PEX5L: variants seen among roughly 807,000 people sequenced by gnomAD.
PEX5L encodes PEX5-related protein.
In PEX5L, 30 loss-of-function variants were observed where a neutral mutation model predicts 84.0. That is an observed-to-expected ratio of 0.36 (90% CI 0.27 to 0.48). The LOEUF is 0.48. Ranked by LOEUF, PEX5L falls within the 20% of genes least tolerant of loss-of-function variation. The pLI is 0.99. For missense variants in PEX5L, 533 were observed against 754.6 expected, an observed-to-expected ratio of 0.71 and a Z score of 3.44; for synonymous variants, 270 against 283.1, an observed-to-expected ratio of 0.95 and a Z score of 0.46.
intron 14 of PEX5L, among the ~76,000 whole-genome samples, chr3:179,807,293 C>T (rs778346527): frequency 5.3e-5 from 8 of 152,144 alleles, no homozygotes; most frequent in Non-Finnish European, 1.0e-4. Context: ...GCCCACACCC[C>T]CAAGGCTCTT....
At position 179,874,575 on chromosome 3, in the gene PEX5L, C is replaced by G. The variant is rs1409567625; in HGVS notation, c.630-152G>C. 5.6e-6 allele frequency: 3 copies of G among 531,700 alleles called. No homozygotes were observed. The East Asian group carries it at 9.7e-5, about 17-fold the overall frequency. The allele number at this position is 531,700 out of a possible 1,614,324, so 32.9% of individuals were successfully genotyped here. ...TGATAGAGATAAGTTTCATGTATTT[C>G]TATTATAATGGTCACTTTCAGAATG... On this transcript the variant is annotated intron_variant, in intron 6 of 14. Transcript: ENST00000467460.
At chr3:180,004,137 G>A (rs530655625) in intron 1 of PEX5L, among the ~76,000 whole-genome samples, 52 of 152,166 alleles carry the variant, frequency 3.4e-4, no homozygotes, top group Non-Finnish European at 6.2e-4. Flanking sequence ...ATTTTTTGCC[G>A]TTGAACTGAC....
chr3:179,829,943 A>ATTTTTTTTTTTT (rs11352022), intron 8 of PEX5L, among the ~76,000 whole-genome samples: 262 of 83,616 alleles, frequency 3.1e-3, no homozygotes, highest in Non-Finnish European at 3.8e-3. Context: ...GGCCTGGCTA[A>ATTTTTTTTTTTT]TTTTTTTTTT....
At chr3:179,889,193 CT>C (rs1756860502) in intron 3 of PEX5L, among the ~76,000 whole-genome samples, 1 of 152,128 alleles carries the variant, frequency 6.6e-6, no homozygotes, top group African/African-American at 2.4e-5. Flanking sequence ...CTCTACTCAC[CT>C]TCGCTACATT....
chr3:179,872,136 G>A (rs780042792), intron 7 of PEX5L, among the ~76,000 whole-genome samples: 6 of 152,046 alleles, frequency 3.9e-5, no homozygotes, highest in South Asian at 2.1e-4. Context: ...CTACTGCCTC[G>A]GCCTACCAAA....
At chr3:179,838,261 A>T (rs1285326993) in intron 8 of PEX5L, among the ~76,000 whole-genome samples, 3 of 152,204 alleles carry the variant, frequency 2.0e-5, no homozygotes, top group African/African-American at 7.2e-5. Flanking sequence ...GGAAATTAAA[A>T]ACAGGTAAAA....
intron 1 of PEX5L, among the ~76,000 whole-genome samples, chr3:180,002,282 A>G (rs1367552700): frequency 6.6e-6 from 1 of 152,062 alleles, no homozygotes; most frequent in Non-Finnish European, 1.5e-5. Context: ...AGAAGAGTGT[A>G]TTTTTTATTT....
intron 1 of PEX5L, among the ~76,000 whole-genome samples, chr3:180,034,183 T>C (rs66486754): frequency 0.15 from 23,107 of 152,180 alleles, 2,234 homozygotes; most frequent in African/African-American, 0.27. Context: ...TTAAAGTCTC[T>C]TGGATACAGA....
intron 8 of PEX5L, among the ~76,000 whole-genome samples, chr3:179,853,294 A>G (rs1237007287): frequency 6.6e-6 from 1 of 152,216 alleles, no homozygotes; most frequent in African/African-American, 2.4e-5. Flanking sequence ...GCTAAATCCA[A>G]TGTATTCTAA....
At chr3:179,869,389 T>G (rs1749501535) in intron 7 of PEX5L, among the ~76,000 whole-genome samples, 1 of 152,216 alleles carries the variant, frequency 6.6e-6, no homozygotes, top group Non-Finnish European at 1.5e-5. Context: ...TATATGACTT[T>G]TAAAAACAAC....
chr3:179,868,020 T>C (rs1748944315), intron 7 of PEX5L, among the ~76,000 whole-genome samples: 1 of 148,348 alleles, frequency 6.7e-6, no homozygotes, highest in Non-Finnish European at 1.5e-5. Context: ...TTATTATTTA[T>C]GTATTTATTC....
At chr3:179,914,737 T>G (rs1578389831) in intron 2 of PEX5L, among the ~76,000 whole-genome samples, 1 of 152,224 alleles carries the variant, frequency 6.6e-6, no homozygotes, top group Admixed American at 6.5e-5. Flanking sequence ...TGATGGCTCC[T>G]GGCTAAGAAT....
In PEX5L at chr3:179,808,312, G is replaced by A; in HGVS notation, c.1478C>T (p.Ala493Val). The A allele has an allele frequency of 6.2e-7, 1 of 1,603,358 alleles. No homozygotes were observed. The highest frequency in any genetic ancestry group is 8.5e-7 in the Non-Finnish European group (1 of 1,175,516). The change falls in exon 13 of 15, where the codon GCA becomes GTA. Residue 493 changes from alanine to valine, a missense_variant. By Grantham distance (64) the Ala-to-Val change is moderately conservative. Around this residue, in one of 8 missense-constraint regions of PEX5L, gnomAD observed 105 missense variants for 204.6 expected, o/e 0.51. Transcript: ENST00000467460. Reference protein sequence around the residue: ...LFHLSGEFNRAIDAFNAALTV... With the variant: ...LFHLSGEFNRVIDAFNAALTV... ...TAAGGCAGCGTTAAATGCATCTATT[G>A]CTCTATTAAATTCTCCACTCAGGTG...
At chr3:179,854,644 AATAG>A (rs1379241362) in intron 8 of PEX5L, among the ~76,000 whole-genome samples, 3 of 152,338 alleles carry the variant, frequency 2.0e-5, no homozygotes, top group Non-Finnish European at 2.9e-5. Flanking sequence ...TATATACAAC[AATAG>A]ATAGATGAAA....
intron 10 of PEX5L, among the ~76,000 whole-genome samples, chr3:179,812,684 C>A (rs551210393): frequency 1.3e-5 from 2 of 152,060 alleles, no homozygotes; most frequent in South Asian, 4.2e-4. Flanking sequence ...GCAAATTTTT[C>A]TCTGTATACT....
chr3:179,868,188 A>G (rs971599242), intron 7 of PEX5L, among the ~76,000 whole-genome samples: 6 of 151,738 alleles, frequency 4.0e-5, no homozygotes, highest in Admixed American at 2.6e-4. Flanking sequence ...CCCAATAACA[A>G]AGGCTTTAGG....
chr3:180,021,693 G>A (rs1033285569), intron 1 of PEX5L, among the ~76,000 whole-genome samples: 3 of 152,198 alleles, frequency 2.0e-5, no homozygotes, highest in Non-Finnish European at 2.9e-5. Context: ...GGTACAGTTG[G>A]TGGTGGTGAC....
At chr3:179,829,599 C>T (rs1056464793) in intron 8 of PEX5L, among the ~76,000 whole-genome samples, 2 of 152,082 alleles carry the variant, frequency 1.3e-5, no homozygotes, top group Admixed American at 1.3e-4. Context: ...CAGAAAGTGC[C>T]CACCCGGGGG....
intron 7 of PEX5L, among the ~76,000 whole-genome samples, chr3:179,864,026 C>T (rs2108587266): frequency 6.6e-6 from 1 of 152,158 alleles, no homozygotes. Context: ...CTTTCTTTGC[C>T]TGCTGCCATC....
Sources: gnomAD v4.1 joint callset for allele counts (sites outside exome capture counted in the v4.1 genomes callset) on GRCh38, gnomAD v4.1.1 for gene constraint, gnomAD v4.1.1 regional missense constraint, MANE v1.5 for transcripts, NCBI Gene and HGNC (gene_info 2026-07-23, HGNC 2026-07-21) for gene names.